The following TMC1 variants were observed in gnomAD, a reference collection of about 807,000 sequenced individuals.
TMC1 encodes the protein transmembrane channel-like protein 1.
A neutral mutation model predicts 105.8 loss-of-function variants in TMC1; 84 were observed. The ratio of observed to expected loss-of-function variants is 0.79; its 90% CI spans 0.67 to 0.95. The LOEUF is 0.95. TMC1 is among the 40% of genes least tolerant of loss of function. The pLI is 0.00. For synonymous variants in TMC1, 315 were observed against 311.5 expected (o/e 1.01, Z -0.12); for missense variants, 817 against 914.1 (o/e 0.89, Z 1.37).
intron 13 of TMC1, among the ~76,000 whole-genome samples, chr9:72,779,604 A>G (rs534076534): frequency 3.9e-5 from 6 of 152,324 alleles, no homozygotes; most frequent in African/African-American, 1.4e-4. Context: ...CATTACAATA[A>G]TTTCATAATA....
chr9:72,550,575 G>A (rs1195928893), intron 1 of TMC1, among the ~76,000 whole-genome samples: 4 of 148,514 alleles, frequency 2.7e-5, no homozygotes, highest in East Asian at 2.0e-4. Flanking sequence ...GGAGAATGGC[G>A]TGAACCCAGG....
At position 72,700,663 on chromosome 9, in the gene TMC1, A is replaced by C; in HGVS notation, c.362+20A>C. 1 of 1,557,522 alleles carries C rather than the reference A, an allele frequency of 6.4e-7. No individual in the cohort carries two copies. ...TCTCAAGTATGGTGCCACTTTTTAT[A>C]AGTAGAAACACTTTCCCTGATATTG... On this transcript the variant is annotated intron_variant, in intron 8 of 23. Coordinates refer to ENST00000297784, the MANE Select transcript of TMC1 (RefSeq NM_138691.3).
At chr9:72,608,029 G>T (rs1181584210) in intron 2 of TMC1, 1 of 152,104 alleles carries the variant, frequency 6.6e-6, no homozygotes, top group Non-Finnish European at 1.5e-5. Flanking sequence ...GATTAATCTG[G>T]TCCAATTGTA....
intron 6 of TMC1, among the ~76,000 whole-genome samples, chr9:72,693,786 T>G (rs1025997665): frequency 6.6e-6 from 1 of 152,108 alleles, no homozygotes; most frequent in East Asian, 1.9e-4. Flanking sequence ...ATCTTAATTA[T>G]CTCTCTATTC....
At chr9:72,588,775 A>ATTTTTT (rs34222467) in intron 2 of TMC1, among the ~76,000 whole-genome samples, 1 of 141,618 alleles carries the variant, frequency 7.1e-6, no homozygotes, top group African/African-American at 2.6e-5. Flanking sequence ...GAAAAACAAG[A>ATTTTTT]TTTTTTTTTT....
intron 2 of TMC1, among the ~76,000 whole-genome samples, chr9:72,581,674 C>G (rs1382760289): frequency 3.3e-5 from 5 of 152,176 alleles, no homozygotes; most frequent in Non-Finnish European, 7.4e-5. Context: ...CAGTTTATTG[C>G]CTTCTCATCT....
chr9:72,769,554 G>A (rs1827891894), intron 12 of TMC1, among the ~76,000 whole-genome samples: 1 of 152,178 alleles, frequency 6.6e-6, no homozygotes, highest in South Asian at 2.1e-4. Context: ...TTTTCCCCGA[G>A]GCTAGAGTGA....
rs1588092012 is a variant in TMC1, at chr9:72,805,487, T to C, written c.1672T>C (p.Cys558Arg). 6.2e-7 allele frequency: 1 copy of C among 1,613,650 alleles called. No homozygotes were observed. Among genetic ancestry groups the C allele is most frequent in the East Asian group, 2.2e-5 (1 of 44,862 alleles). ...CFVRFCNYCW[C>R]WDLEYGYPSY... Reference sequence around the variant, plus strand: ...TGTGAGGTTTTGCAATTATTGCTGGTGCTGGGACTTGGAGTATGGATATGT... The same window carrying C: ...TGTGAGGTTTTGCAATTATTGCTGGCGCTGGGACTTGGAGTATGGATATGT... The change falls in exon 18 of 24, where the codon TGC becomes CGC. Residue 558 changes from cysteine (C) to arginine (R), a missense_variant. Physicochemically the swap from Cys to Arg is radical, Grantham distance 180 (BLOSUM62 -3). Transcript: ENST00000297784.
At chr9:72,663,603 C>T (rs1421575704) in intron 5 of TMC1, among the ~76,000 whole-genome samples, 1 of 152,136 alleles carries the variant, frequency 6.6e-6, no homozygotes, top group African/African-American at 2.4e-5. Flanking sequence ...TAGTTTAGAT[C>T]TCTTTCACTG....
intron 6 of TMC1, among the ~76,000 whole-genome samples, chr9:72,690,939 A>G (rs1314394010): frequency 3.3e-5 from 5 of 151,964 alleles, no homozygotes; most frequent in Admixed American, 2.6e-4. Context: ...ATTCTCCTTC[A>G]GAACTCCCAT....
At chr9:72,708,369 A>G (rs1826779194) in intron 8 of TMC1, among the ~76,000 whole-genome samples, 1 of 152,232 alleles carries the variant, frequency 6.6e-6, no homozygotes, top group South Asian at 2.1e-4. Context: ...GGTCATTTTC[A>G]CAATAGTGAT....
chr9:72,832,097 G>A (rs973449457), intron 23 of TMC1, among the ~76,000 whole-genome samples: 2 of 151,782 alleles, frequency 1.3e-5, no homozygotes, highest in South Asian at 2.1e-4. Context: ...TGGGGACAGC[G>A]CACACCACCA....
chr9:72,740,988 T>G (rs1827379529), intron 9 of TMC1, among the ~76,000 whole-genome samples: 1 of 152,242 alleles, frequency 6.6e-6, no homozygotes, highest in Non-Finnish European at 1.5e-5. Flanking sequence ...ATCCACGTTG[T>G]TGTGGGAGTT....
At chr9:72,828,113 A>T (rs1828985726) in intron 21 of TMC1, among the ~76,000 whole-genome samples, 2 of 152,356 alleles carry the variant, frequency 1.3e-5, no homozygotes, top group East Asian at 1.9e-4. Context: ...TCACTTCTTT[A>T]TACTGCGAGG....
In TMC1 at chr9:72,742,450, G is replaced by C; in HGVS notation, c.460G>C (p.Ala154Pro). 6.2e-7 allele frequency: 1 copy of C among 1,613,808 alleles called. No homozygotes were observed. The highest frequency in any genetic ancestry group is 8.5e-7 in the Non-Finnish European group (1 of 1,179,802). Residue 154 changes from alanine (A) to proline (P), a missense_variant, in exon 10 of 24, where the codon GCA becomes CCA. By Grantham distance (27) the Ala-to-Pro change is conservative. Transcript: ENST00000297784. ...AFKMMMAKKW[A>P]KFLRDFENFK... ...TATTTGACTTTCTTTTCAGAAATGG[G>C]CAAAATTCCTCCGTGATTTTGAGAA... is the stretch of plus-strand genomic sequence containing the variant.
chr9:72,604,037 T>C (rs1824869488), intron 2 of TMC1, among the ~76,000 whole-genome samples: 1 of 151,910 alleles, frequency 6.6e-6, no homozygotes, highest in Non-Finnish European at 1.5e-5. Context: ...TGGCTAATTT[T>C]TGTATTTTAG....
At chr9:72,772,866 A>G (rs140058432) in intron 13 of TMC1, among the ~76,000 whole-genome samples, 83 of 152,294 alleles carry the variant, frequency 5.4e-4, no homozygotes, top group African/African-American at 1.9e-3. Flanking sequence ...GTTGCCAGCA[A>G]GACAGGAAAA....
intron 11 of TMC1, among the ~76,000 whole-genome samples, chr9:72,752,481 G>T (rs1827595920): frequency 7.8e-6 from 1 of 127,922 alleles, no homozygotes; most frequent in Non-Finnish European, 1.6e-5. Context: ...CACAAATAGT[G>T]GGATGGGATG....
intron 5 of TMC1, 27 bp downstream of exon 5, chr9:72,648,691 A>G (rs756702022): frequency 1.3e-6 from 2 of 1,598,310 alleles, no homozygotes; most frequent in Admixed American, 3.3e-5. Flanking sequence ...GACTGTCTGT[A>G]GGACACTATG....
Sources: allele counts gnomAD v4.1 joint callset (sites outside exome capture counted in the v4.1 genomes callset), GRCh38; gene constraint gnomAD v4.1.1; transcripts MANE v1.5; gene names NCBI Gene and HGNC (gene_info 2026-07-23, HGNC 2026-07-21).